PCLO: variants seen among roughly 807,000 people sequenced by gnomAD.
The protein encoded by PCLO is piccolo presynaptic cytomatrix protein.
Under a neutral mutation model 427.5 loss-of-function variants are expected in PCLO, and 82 were observed. The observed-to-expected ratio is 0.19, with a 90% confidence interval of 0.16 to 0.23. The LOEUF (loss-of-function observed/expected upper bound fraction) is 0.23. Among genes scored for constraint, PCLO ranks in the 10% least tolerant of loss-of-function variants. The pLI is 1.00. For missense variants in PCLO, 6,239 were observed against 6,115.9 expected, an observed-to-expected ratio of 1.02 and a Z score of -0.67; for synonymous variants, 2,357 against 2,155.4, an observed-to-expected ratio of 1.09 and a Z score of -2.59.
rs371251879 is a variant in PCLO at position 83,155,438 on chromosome 7, T to C, written c.1203A>G (p.Pro401=). ...GCTTTGCTGGCCCTGGCTGTTGAGC[T>C]GGAGTCTTTCCAACTCCAGGAGGCT... is the stretch of plus-strand genomic sequence containing the variant. ...LAQPPGVGKT[P]AQQPGPAKPP... The change falls in exon 2 of 25, where the codon CCA becomes CCG. Residue 401 remains proline (P), a synonymous_variant. Coordinates refer to ENST00000333891, the MANE Select transcript of PCLO (RefSeq NM_033026.6). 112 of 1,613,872 alleles carry C rather than the reference T, an allele frequency of 6.9e-5. No homozygotes were observed. In the Middle Eastern group the frequency reaches 1.2e-3, roughly 17 times the overall value.
intron 22 of PCLO, among the ~76,000 whole-genome samples, chr7:82,770,833 AC>A (rs1255104128): frequency 6.6e-6 from 1 of 151,862 alleles, no homozygotes; most frequent in Non-Finnish European, 1.5e-5. Context: ...TTTTTAAAAA[AC>A]AATTCTGATA....
At position 83,113,751 on chromosome 7, in the gene PCLO, G is replaced by T. The variant is rs556893711; in HGVS notation, c.3300+20499C>A. On this transcript the variant is annotated intron_variant, in intron 3 of 24. Transcript: ENST00000333891. ...TTTTGTAAAAACACAATAAATTACT[G>T]AATGAACAATTATGTTAAAAGATAT... 2.0e-5 allele frequency among the ~76,000 whole-genome samples: 3 copies of T among 152,152 alleles called. No individual in the cohort carries two copies. In the East Asian group the frequency reaches 5.8e-4, roughly 29 times the overall value.
intron 3 of PCLO, among the ~76,000 whole-genome samples, chr7:83,076,540 G>C (rs563452200): frequency 4.1e-4 from 62 of 152,098 alleles, no homozygotes; most frequent in African/African-American, 1.4e-3. Context: ...CGGGATTACA[G>C]GCCTGAGCCA....
intron 3 of PCLO, among the ~76,000 whole-genome samples, chr7:83,082,746 G>A (rs1790133693): frequency 6.6e-6 from 1 of 151,466 alleles, no homozygotes; most frequent in Non-Finnish European, 1.5e-5. Flanking sequence ...TCAAAATACA[G>A]CATGTACCAC....
At chr7:82,896,999 C>T (rs1793920534) in intron 9 of PCLO, among the ~76,000 whole-genome samples, 1 of 151,358 alleles carries the variant, frequency 6.6e-6, no homozygotes, top group African/African-American at 2.4e-5. Flanking sequence ...TTTCTGAGGC[C>T]ATAAGATGGA....
At chr7:83,045,329 A>C (rs866789257) in intron 3 of PCLO, among the ~76,000 whole-genome samples, 16 of 152,140 alleles carry the variant, frequency 1.1e-4, no homozygotes, top group South Asian at 2.1e-4. Flanking sequence ...TTTTCCACGA[A>C]TGCACTTTCC....
At chr7:83,108,163 G>A (rs1229380803) in intron 3 of PCLO, among the ~76,000 whole-genome samples, 2 of 151,998 alleles carry the variant, frequency 1.3e-5, no homozygotes, top group African/African-American at 2.4e-5. Context: ...GCATACATGT[G>A]AGAGAAAAAA....
In PCLO at chr7:82,862,344, G is replaced by A. The variant is rs116980431; in HGVS notation, c.13655-15097C>T. ...GGAGAAAAGAGAACCCTTGTTCACTGTTGGTGGGAATGTAAATTGCTACAG... is the reference window on the plus strand; with the variant it reads ...GGAGAAAAGAGAACCCTTGTTCACTATTGGTGGGAATGTAAATTGCTACAG... On this transcript the variant is annotated intron_variant, in intron 10 of 24. Transcript: ENST00000333891. 6.9e-3 allele frequency among the ~76,000 whole-genome samples: 1,044 copies of A among 152,022 alleles called. 34 individuals carry two copies. Among genetic ancestry groups the A allele is most frequent in the Admixed American group, 0.055 (844 of 15,262 alleles).
intron 3 of PCLO, among the ~76,000 whole-genome samples, chr7:83,001,088 A>G (rs2115921640): frequency 6.6e-6 from 1 of 152,184 alleles, no homozygotes; most frequent in East Asian, 1.9e-4. Flanking sequence ...TAATGTATTT[A>G]GTAGGGTTTT....
At chr7:82,860,141 T>A (rs560327000) in intron 10 of PCLO, among the ~76,000 whole-genome samples, 5 of 152,136 alleles carry the variant, frequency 3.3e-5, no homozygotes, top group South Asian at 4.2e-4. Context: ...AGGAAGAGAT[T>A]GGGGTAGAAA....
Position 82,846,607 on chromosome 7 carries a change from T to G in PCLO, c.13791A>C (p.Glu4597Asp). Residue 4597 changes from glutamate to aspartate, a missense_variant, in exon 12 of 25, where the codon GAA becomes GAC. Physicochemically the swap from Glu to Asp is conservative, Grantham distance 45. Coordinates refer to ENST00000333891, the MANE Select transcript of PCLO (RefSeq NM_033026.6). ...CATGAAGTTCCAGATGCTGGGAATT[T>G]TCAGAATCTGATAGCATATTGAGGT... The part of the protein sequence containing the change: ...RLDLNMLSDS[E>D]NSQHLELHEP... 6.2e-7 allele frequency: 1 copy of G among 1,608,430 alleles called. No individual in the cohort carries two copies. Among genetic ancestry groups the G allele is most frequent in the Non-Finnish European group, 8.5e-7 (1 of 1,176,880 alleles).
chr7:82,904,583 A>G (rs1156894364), intron 8 of PCLO, among the ~76,000 whole-genome samples: 1 of 151,976 alleles, frequency 6.6e-6, no homozygotes, highest in Non-Finnish European at 1.5e-5. Context: ...TAATTCCAAA[A>G]AGTTATTCTT....
intron 2 of PCLO, among the ~76,000 whole-genome samples, chr7:83,141,162 A>G (rs1429094308): frequency 2.0e-5 from 3 of 152,218 alleles, no homozygotes; most frequent in African/African-American, 7.2e-5. Flanking sequence ...TACAATCCAC[A>G]TCCATTTGAC....
intron 10 of PCLO, among the ~76,000 whole-genome samples, chr7:82,877,502 T>C (rs143798450): frequency 3.9e-5 from 6 of 152,276 alleles, no homozygotes; most frequent in Non-Finnish European, 7.4e-5. Context: ...AAAATTATCA[T>C]TGGGCGTGAA....
chr7:82,761,668 G>A (rs1478817578), intron 22 of PCLO, among the ~76,000 whole-genome samples, 175 bp from the exon 23 acceptor site: 1 of 151,742 alleles, frequency 6.6e-6, no homozygotes, highest in Non-Finnish European at 1.5e-5. Context: ...TTATTTACAG[G>A]TGAATAAATT....
intron 6 of PCLO, among the ~76,000 whole-genome samples, chr7:82,919,353 T>C (rs889887599): frequency 1.3e-5 from 2 of 151,836 alleles, no homozygotes; most frequent in African/African-American, 4.8e-5. Flanking sequence ...AGCCAGAAGG[T>C]AATGGAGTGA....
intron 22 of PCLO, among the ~76,000 whole-genome samples, chr7:82,800,036 A>T (rs1025796459): frequency 1.3e-5 from 2 of 152,182 alleles, no homozygotes; most frequent in Admixed American, 1.3e-4. Flanking sequence ...ACTAATCAAC[A>T]TATAAGAGAG....
chr7:82,894,922 A>C (rs73171356), intron 9 of PCLO, among the ~76,000 whole-genome samples: 3,769 of 152,192 alleles, frequency 0.025, 70 homozygotes, highest in Middle Eastern at 0.048. Context: ...GAGAGAGCCC[A>C]AACTGTTCAC....
At chr7:83,005,329 A>G (rs1787919882) in intron 3 of PCLO, among the ~76,000 whole-genome samples, 1 of 151,656 alleles carries the variant, frequency 6.6e-6, no homozygotes, top group Admixed American at 6.6e-5. Context: ...GATGAAAAAT[A>G]CTGCATACTC....
Sources: allele counts gnomAD v4.1 joint callset (sites outside exome capture counted in the v4.1 genomes callset), GRCh38; gene constraint gnomAD v4.1.1; transcripts MANE v1.5; gene names NCBI Gene and HGNC (gene_info 2026-07-23, HGNC 2026-07-21).